Variants in NALF1 observed in about 807,000 individuals in gnomAD.
NALF1 encodes family with sequence similarity 155 member A.
A neutral mutation model predicts 48.4 loss-of-function variants in NALF1; 3 were observed. The observed-to-expected ratio is 0.06, with a 90% CI of 0.03 to 0.16. NALF1 has a LOEUF of 0.16. NALF1 is among the 10% of genes least tolerant of loss of function. NALF1 has a pLI of 1.00. For synonymous variants in NALF1, 262 were observed against 245.7 expected, an observed-to-expected ratio of 1.07 and a Z score of -0.62; for missense variants, 526 against 571.5, an observed-to-expected ratio of 0.92 and a Z score of 0.81.
intron 1 of NALF1, among the ~76,000 whole-genome samples, chr13:107,588,632 AACTTT>A (rs1424026458): frequency 1.3e-5 from 2 of 152,114 alleles, no homozygotes; most frequent in Non-Finnish European, 2.9e-5. Flanking sequence ...GGAGTAAGTA[AACTTT>A]ACTTGTGTAT....
chr13:107,462,908 C>T (rs1884943005), intron 1 of NALF1, among the ~76,000 whole-genome samples: 1 of 152,194 alleles, frequency 6.6e-6, no homozygotes. Flanking sequence ...CTGTTGTAAA[C>T]CACAATCATC....
chr13:107,846,702 A>G (rs1228892786), intron 1 of NALF1, among the ~76,000 whole-genome samples: 1 of 152,214 alleles, frequency 6.6e-6, no homozygotes, highest in Non-Finnish European at 1.5e-5. Flanking sequence ...TAGGGTCAGA[A>G]TAGCTGAGGA....
At chr13:107,599,097 C>T (rs914729019) in intron 1 of NALF1, among the ~76,000 whole-genome samples, 2 of 152,060 alleles carry the variant, frequency 1.3e-5, no homozygotes, top group African/African-American at 4.8e-5. Flanking sequence ...AACAAAGATG[C>T]CTCAAGGAAT....
intron 1 of NALF1, among the ~76,000 whole-genome samples, chr13:107,637,306 A>G (rs978565065): frequency 7.9e-5 from 12 of 151,890 alleles, no homozygotes; most frequent in Admixed American, 6.6e-4. Flanking sequence ...GTTGTTGGGG[A>G]ATTTTATTCA....
intron 1 of NALF1, among the ~76,000 whole-genome samples, chr13:107,669,352 T>C (rs1880937182): frequency 6.6e-6 from 1 of 152,148 alleles, no homozygotes; most frequent in Non-Finnish European, 1.5e-5. Flanking sequence ...CAGCACACGC[T>C]TGAAAACTAG....
chr13:107,771,750 C>G (rs1386711381), intron 1 of NALF1, among the ~76,000 whole-genome samples: 1 of 151,956 alleles, frequency 6.6e-6, no homozygotes, highest in Non-Finnish European at 1.5e-5. Flanking sequence ...CATTTCTTTT[C>G]TTTTTTTGAC....
intron 1 of NALF1, among the ~76,000 whole-genome samples, chr13:107,732,702 T>A (rs1396364758): frequency 6.6e-6 from 1 of 152,202 alleles, no homozygotes; most frequent in African/African-American, 2.4e-5. Context: ...AATCTGTGAA[T>A]CTCATAGTGA....
At chr13:107,589,218 CT>C (rs2138416256) in intron 1 of NALF1, among the ~76,000 whole-genome samples, 1 of 152,098 alleles carries the variant, frequency 6.6e-6, no homozygotes, top group East Asian at 1.9e-4. Flanking sequence ...TGAATACTGG[CT>C]CACTCGGAGT....
intron 1 of NALF1, among the ~76,000 whole-genome samples, chr13:107,531,713 T>C (rs2139108421): frequency 6.6e-6 from 1 of 152,252 alleles, no homozygotes; most frequent in East Asian, 1.9e-4. Context: ...TTTTCCACTT[T>C]TATCTCAGTA....
intron 1 of NALF1, among the ~76,000 whole-genome samples, chr13:107,250,742 T>C (rs768175286): frequency 1.1e-4 from 16 of 151,960 alleles, no homozygotes; most frequent in Non-Finnish European, 1.8e-4. Flanking sequence ...CCCAAACTCA[T>C]GTCCATTTGT....
At chr13:107,851,919 C>T (rs1880329887) in intron 1 of NALF1, among the ~76,000 whole-genome samples, 1 of 150,800 alleles carries the variant, frequency 6.6e-6, no homozygotes, top group Admixed American at 6.6e-5. Context: ...AGCAACCCTC[C>T]TACCTCAGTC....
intron 1 of NALF1, among the ~76,000 whole-genome samples, chr13:107,317,230 C>G (rs1882167840): frequency 6.6e-6 from 1 of 151,998 alleles, no homozygotes; most frequent in Non-Finnish European, 1.5e-5. Context: ...TAACTATTTT[C>G]AAGAGTTAGA....
intron 1 of NALF1, among the ~76,000 whole-genome samples, chr13:107,327,012 A>T (rs1251931823): frequency 1.3e-5 from 2 of 152,184 alleles, no homozygotes; most frequent in Non-Finnish European, 2.9e-5. Flanking sequence ...CTGTCACAAG[A>T]ATGCCTAACC....
chr13:107,223,764 G>C (rs1418539426), intron 1 of NALF1, among the ~76,000 whole-genome samples: 1 of 152,102 alleles, frequency 6.6e-6, no homozygotes, highest in African/African-American at 2.4e-5. Flanking sequence ...GTGTATCTTA[G>C]AGAAAAATGA....
At position 107,751,340 on chromosome 13, in the gene NALF1, G is replaced by A. The variant is rs143347345; in HGVS notation, c.915+114342C>T. 9.8e-4 allele frequency among the ~76,000 whole-genome samples: 150 copies of A among 152,292 alleles called. 1 individual carries two copies. The East Asian group carries it at 0.027, about 27-fold the overall frequency. ...TCTGTGTTAAAAATAATGGAAAACT[G>A]ACCTTGAAGAATATTTGTGCCTTGT... On this transcript the variant is annotated intron_variant, in intron 1 of 2. Coordinates refer to ENST00000375915, the MANE Select transcript of NALF1 (RefSeq NM_001080396.3).
intron 1 of NALF1, among the ~76,000 whole-genome samples, chr13:107,509,324 C>T (rs1875805188): frequency 6.6e-6 from 1 of 152,134 alleles, no homozygotes; most frequent in South Asian, 2.1e-4. Flanking sequence ...TATTCTAAGG[C>T]TTTAGCTCCA....
At chr13:107,363,994 T>A (rs1184520969) in intron 1 of NALF1, among the ~76,000 whole-genome samples, 1 of 152,222 alleles carries the variant, frequency 6.6e-6, no homozygotes. Context: ...GTTTTGCTCA[T>A]TGCATTTTCT....
intron 1 of NALF1, among the ~76,000 whole-genome samples, chr13:107,230,245 T>C (rs1013722815): frequency 2.0e-5 from 3 of 152,180 alleles, no homozygotes; most frequent in African/African-American, 4.8e-5. Flanking sequence ...TTTCATATGG[T>C]TTAATCTAGT....
chr13:107,375,306 C>T (rs191362353), intron 1 of NALF1, among the ~76,000 whole-genome samples: 220 of 152,206 alleles, frequency 1.4e-3, no homozygotes, highest in Non-Finnish European at 2.0e-3. Flanking sequence ...CATATGAAAG[C>T]TTCATTTGAC....
Sources: allele counts gnomAD v4.1 joint callset (sites outside exome capture counted in the v4.1 genomes callset), GRCh38; gene constraint gnomAD v4.1.1; transcripts MANE v1.5; gene names NCBI Gene and HGNC (gene_info 2026-07-23, HGNC 2026-07-21).